Variants in SHISA9 observed in about 807,000 individuals in gnomAD.
The protein encoded by SHISA9 is protein shisa-9.
In SHISA9, 13 loss-of-function variants were observed where a neutral mutation model predicts 38.0. The observed-to-expected ratio is 0.34, with a 90% CI of 0.22 to 0.54. The LOEUF (loss-of-function observed/expected upper bound fraction) is 0.54, where lower values mean the gene tolerates loss of function less well. SHISA9 is among the 20% of genes least tolerant of loss of function. The probability of loss-of-function intolerance (pLI) is 0.91; values close to 1 mark genes in which losing one functional copy is unlikely to be tolerated. For synonymous variants in SHISA9, 275 were observed against 242.0 expected (o/e 1.14, Z -1.27); for missense variants, 538 against 575.8 (o/e 0.93, Z 0.67).
the SHISA9 span, among the ~76,000 whole-genome samples, chr16:13,323,263 T>C: frequency 1.3e-5 from 2 of 152,190 alleles, no homozygotes; most frequent in Non-Finnish European, 2.9e-5. Context: ...TAATGAAATA[T>C]TGTGCTTGGT....
rs371976821 is a variant in SHISA9 at position 13,112,303 on chromosome 16, GA to G, written c.692-91085del. Among the ~76,000 whole-genome samples the G allele has an allele frequency of 2.0e-3, 300 of 151,662 alleles. 3 individuals are homozygous for G. Among genetic ancestry groups the G allele is most frequent in the African/African-American group, 6.8e-3 (281 of 41,380 alleles). On this transcript the variant is annotated intron_variant, in intron 2 of 4. Coordinates refer to ENST00000558583, the MANE Select transcript of SHISA9 (RefSeq NM_001145204.3). Reference sequence around the variant, plus strand: ...GAATTGAAGCAGGGAGGAGAGAAGGGAAAAAATAAGAGAAAGAGGGAAGAAA... The same window carrying G: ...GAATTGAAGCAGGGAGGAGAGAAGGGAAAAATAAGAGAAAGAGGGAAGAAA...
At chr16:13,315,798 C>T in the SHISA9 span, among the ~76,000 whole-genome samples, 3 of 152,226 alleles carry the variant, frequency 2.0e-5, no homozygotes, top group East Asian at 3.9e-4. Context: ...GATAGCTCTC[C>T]TATGGAGGAG....
chr16:13,002,038 A>G (rs1258339007), intron 2 of SHISA9, among the ~76,000 whole-genome samples: 2 of 152,214 alleles, frequency 1.3e-5, no homozygotes, highest in African/African-American at 4.8e-5. Flanking sequence ...AGAAAAATGG[A>G]TTTAATTGGC....
At chr16:13,312,238 T>C in the SHISA9 span, among the ~76,000 whole-genome samples, 3 of 152,276 alleles carry the variant, frequency 2.0e-5, no homozygotes, top group South Asian at 6.2e-4. Flanking sequence ...TATAAGCAAA[T>C]GGGTGTGGTC....
chr16:13,176,596 C>T (rs1205931405), intron 2 of SHISA9, among the ~76,000 whole-genome samples: 1 of 152,232 alleles, frequency 6.6e-6, no homozygotes, highest in Non-Finnish European at 1.5e-5. Flanking sequence ...AACACGGACC[C>T]ACAGTGGGAG....
intron 2 of SHISA9, among the ~76,000 whole-genome samples, chr16:13,016,901 A>G (rs536278869): frequency 1.3e-5 from 2 of 152,322 alleles, no homozygotes; most frequent in African/African-American, 4.8e-5. Flanking sequence ...ATTCCACGAT[A>G]TTAGGAATTT....
the SHISA9 span, among the ~76,000 whole-genome samples, chr16:13,523,777 A>G: frequency 6.6e-6 from 1 of 152,190 alleles, no homozygotes; most frequent in East Asian, 1.9e-4. Context: ...CACCTCCAAC[A>G]CTGGGGATTA....
intron 2 of SHISA9, among the ~76,000 whole-genome samples, chr16:13,128,745 G>GA (rs531937325): frequency 1.0e-3 from 152 of 152,302 alleles, no homozygotes; most frequent in Non-Finnish European, 1.6e-3. Flanking sequence ...TATGGGAGCT[G>GA]AAAGTCCCTG....
the SHISA9 span, among the ~76,000 whole-genome samples, chr16:13,357,376 G>T: frequency 6.6e-6 from 1 of 152,170 alleles, no homozygotes; most frequent in Non-Finnish European, 1.5e-5. Flanking sequence ...GGAGAAAGAG[G>T]TTGAGGGATA....
chr16:13,507,888 C>T, the SHISA9 span, among the ~76,000 whole-genome samples: 5 of 152,156 alleles, frequency 3.3e-5, no homozygotes, highest in Admixed American at 6.5e-5. Flanking sequence ...CAAAGCCGTC[C>T]GTGCCTTAGG....
chr16:13,207,404 T>A (rs914061114), intron 3 of SHISA9, among the ~76,000 whole-genome samples: 1 of 152,192 alleles, frequency 6.6e-6, no homozygotes, highest in East Asian at 1.9e-4. Context: ...AGTAACCCTC[T>A]GTTCATAAAT....
chr16:13,317,218 C>A, the SHISA9 span, among the ~76,000 whole-genome samples: 1 of 152,212 alleles, frequency 6.6e-6, no homozygotes, highest in Non-Finnish European at 1.5e-5. Flanking sequence ...GGGACATGGG[C>A]AACGCCAGGA....
chr16:13,262,940 C>A, the SHISA9 span, among the ~76,000 whole-genome samples: 1 of 152,126 alleles, frequency 6.6e-6, no homozygotes, highest in South Asian at 2.1e-4. Flanking sequence ...GGCACCTATG[C>A]CTTGCATTCC....
At chr16:13,021,358 C>T (rs773772283) in intron 2 of SHISA9, among the ~76,000 whole-genome samples, 10 of 152,146 alleles carry the variant, frequency 6.6e-5, no homozygotes, top group Non-Finnish European at 1.3e-4. Context: ...ACTATCCAAA[C>T]GGTAGTGCTG....
intron 2 of SHISA9, among the ~76,000 whole-genome samples, chr16:13,128,526 C>G (rs977366522): frequency 1.3e-5 from 2 of 152,022 alleles, no homozygotes; most frequent in Non-Finnish European, 2.9e-5. Context: ...TAATACCTAC[C>G]ATGTAGGATT....
intron 2 of SHISA9, among the ~76,000 whole-genome samples, chr16:13,101,072 C>G (rs532554086): frequency 2.0e-4 from 31 of 152,274 alleles, no homozygotes; most frequent in African/African-American, 7.5e-4. Context: ...GCTTATTTCT[C>G]TTAGTATCAC....
At chr16:13,527,057 C>T in the SHISA9 span, among the ~76,000 whole-genome samples, 12 of 152,164 alleles carry the variant, frequency 7.9e-5, no homozygotes, top group African/African-American at 2.9e-4. Context: ...CATTCTTTTC[C>T]ACATCTAGGC....
rs548506788 is a variant in SHISA9, at chr16:12,972,947, A to G, written c.691+56132A>G. On this transcript the variant is annotated intron_variant, in intron 2 of 4. Coordinates refer to ENST00000558583, the MANE Select transcript of SHISA9 (RefSeq NM_001145204.3). ...CCTGGCCAACATGGTGAAACCCTGT[A>G]GCTACTAAAAATGCAAAAATTAGCC... Among the ~76,000 whole-genome samples, 31 of 152,120 alleles carry G rather than the reference A, an allele frequency of 2.0e-4. No individual in the cohort carries two copies. The South Asian group carries it at 3.5e-3, about 17-fold the overall frequency.
chr16:13,124,039 G>A (rs1411825941), intron 2 of SHISA9, among the ~76,000 whole-genome samples: 5 of 152,184 alleles, frequency 3.3e-5, no homozygotes, highest in African/African-American at 9.7e-5. Flanking sequence ...CCCCTGTGAG[G>A]AAAGTCCTAA....
Sources: allele counts gnomAD v4.1 joint callset (sites outside exome capture counted in the v4.1 genomes callset), GRCh38; gene constraint gnomAD v4.1.1; transcripts MANE v1.5; gene names NCBI Gene and HGNC (gene_info 2026-07-23, HGNC 2026-07-21).